The following PLCG2 variants were observed in gnomAD, a reference collection of about 807,000 sequenced individuals.
PLCG2 encodes phospholipase C gamma 2, also known as 1-phosphatidylinositol 4,5-bisphosphate phosphodiesterase gamma-2.
A neutral mutation model predicts 175.6 loss-of-function variants in PLCG2; 69 were observed. That is an observed-to-expected ratio of 0.39 (90% CI 0.32 to 0.48). The LOEUF (loss-of-function observed/expected upper bound fraction) is 0.48. Among genes scored for constraint, PLCG2 ranks in the 20% least tolerant of loss-of-function variants. The pLI is 0.91. For synonymous variants in PLCG2, 827 were observed against 624.0 expected (o/e 1.33, Z -4.85); for missense variants, 1,798 against 1,650.9 (o/e 1.09, Z -1.54).
chr16:81,761,729 T>C (rs1212594613), intron 2 of PLCG2, among the ~76,000 whole-genome samples: 1 of 152,222 alleles, frequency 6.6e-6, no homozygotes, highest in East Asian at 1.9e-4. Flanking sequence ...CTTCTCATTT[T>C]TCCAATCTTT....
chr16:81,762,646 C>T (rs1231486362), intron 2 of PLCG2, among the ~76,000 whole-genome samples: 1 of 151,836 alleles, frequency 6.6e-6, no homozygotes, highest in African/African-American at 2.4e-5. Context: ...GAAACAGAAT[C>T]ATTAGGTTGA....
intron 1 of PLCG2, among the ~76,000 whole-genome samples, chr16:81,747,577 A>G (rs181565842): frequency 7.9e-5 from 12 of 152,130 alleles, no homozygotes; most frequent in Admixed American, 2.6e-4. Context: ...TTTTTTAAAT[A>G]AATGATTGGA....
At position 81,855,385 on chromosome 16, in the gene PLCG2, C is replaced by T. The variant is rs192241685; in HGVS notation, c.337+798C>T. On this transcript the variant is annotated intron_variant, in intron 3 of 32. Coordinates refer to ENST00000564138, the MANE Select transcript of PLCG2 (RefSeq NM_002661.5). ...CAAGTTCAGTCCTAGAATTTATTGA[C>T]TTAGAAGTATATGTATATTAATTAA... 5.3e-3 allele frequency among the ~76,000 whole-genome samples: 810 copies of T among 152,114 alleles called. 23 individuals carry two copies. The highest frequency in any genetic ancestry group is 2.3e-3 in the East Asian group (12 of 5,188).
At position 81,899,289 on chromosome 16, in the gene PLCG2, T is replaced by C. The variant is rs113086658; in HGVS notation, c.1194-1323T>C. On this transcript the variant is annotated intron_variant, in intron 13 of 32. Coordinates refer to ENST00000564138, the MANE Select transcript of PLCG2 (RefSeq NM_002661.5). ...ATGTGTGTATATATATATATATATA[T>C]ACACACACACACACATAAATATATA... Among the ~76,000 whole-genome samples, 750 of 92,464 alleles carry C rather than the reference T, an allele frequency of 8.1e-3. 10 individuals carry two copies. Among genetic ancestry groups the C allele is most frequent in the African/African-American group, 0.025 (674 of 26,540 alleles). The allele number at this position is 92,464 out of a possible 152,430, so 60.7% of individuals were successfully genotyped here.
chr16:81,797,276 T>C (rs1042377077), intron 2 of PLCG2, among the ~76,000 whole-genome samples: 16 of 143,968 alleles, frequency 1.1e-4, no homozygotes, highest in Non-Finnish European at 2.3e-4. Context: ...TGGTGAATCA[T>C]TTTTGAAAAA....
chr16:81,811,634 CTTGTG>C (rs778421276), intron 2 of PLCG2, among the ~76,000 whole-genome samples: 27 of 151,966 alleles, frequency 1.8e-4, no homozygotes, highest in Non-Finnish European at 3.7e-4. Context: ...GTTTCCTGTT[CTTGTG>C]TTAGTTTGCT....
At chr16:81,951,355 C>G (rs1202427294) in intron 31 of PLCG2, among the ~76,000 whole-genome samples, 1 of 152,098 alleles carries the variant, frequency 6.6e-6, no homozygotes, top group African/African-American at 2.4e-5. Flanking sequence ...GACTGAACCC[C>G]AAATAATAAA....
At chr16:81,807,148 C>T (rs919987819) in intron 2 of PLCG2, among the ~76,000 whole-genome samples, 3 of 152,184 alleles carry the variant, frequency 2.0e-5, no homozygotes, top group Non-Finnish European at 4.4e-5. Context: ...ACAGCAGAGG[C>T]TTATCTTGTT....
chr16:81,783,138 G>C, intron 1 of PLCG2: 1 of 492,452 alleles, frequency 2.0e-6, no homozygotes, highest in South Asian at 1.5e-5. Flanking sequence ...CTAATTGAAG[G>C]TGTTATAATG....
chr16:81,846,611 G>A (rs749436732), intron 2 of PLCG2, among the ~76,000 whole-genome samples: 2 of 152,082 alleles, frequency 1.3e-5, no homozygotes, highest in Non-Finnish European at 2.9e-5. Context: ...GCAGAACATC[G>A]GGCTTATGGC....
intron 13 of PLCG2, among the ~76,000 whole-genome samples, chr16:81,897,660 C>T (rs948681564): frequency 1.3e-5 from 2 of 150,650 alleles, no homozygotes; most frequent in African/African-American, 4.9e-5. Context: ...ATTCCCCTGT[C>T]TCAGCCTCCC....
chr16:81,739,899 A>C (rs762439462), intron 1 of PLCG2, among the ~76,000 whole-genome samples: 3 of 152,168 alleles, frequency 2.0e-5, no homozygotes, highest in African/African-American at 7.2e-5. Context: ...GCGCTTTGGG[A>C]GGCCAAGGCA....
chr16:81,841,697 A>G (rs1372715400), intron 2 of PLCG2, among the ~76,000 whole-genome samples: 1 of 152,184 alleles, frequency 6.6e-6, no homozygotes, highest in Non-Finnish European at 1.5e-5. Context: ...CATGCCTGCT[A>G]GATCCTTCTA....
At chr16:81,873,523 T>A (rs1416815436) in intron 7 of PLCG2, among the ~76,000 whole-genome samples, 2 of 152,180 alleles carry the variant, frequency 1.3e-5, no homozygotes, top group African/African-American at 4.8e-5. Flanking sequence ...AAAAGCTCGA[T>A]TTACTCAAGA....
At chr16:81,843,326 C>G (rs1235728209) in intron 2 of PLCG2, among the ~76,000 whole-genome samples, 1 of 152,206 alleles carries the variant, frequency 6.6e-6, no homozygotes, top group African/African-American at 2.4e-5. Context: ...TACCCTTTCT[C>G]ACACCTTTAC....
chr16:81,815,424 G>A (rs998783832), intron 2 of PLCG2, among the ~76,000 whole-genome samples: 2 of 152,188 alleles, frequency 1.3e-5, no homozygotes, highest in East Asian at 3.9e-4. Flanking sequence ...CAGGGACCCT[G>A]TCTTTCCAGC....
intron 2 of PLCG2, among the ~76,000 whole-genome samples, chr16:81,786,696 TC>T (rs1910988198): frequency 6.6e-6 from 1 of 152,204 alleles, no homozygotes; most frequent in Admixed American, 6.6e-5. Flanking sequence ...GGTAGAGGTG[TC>T]CCTCCTCCCC....
At chr16:81,878,280 G>C (rs1188249425) in intron 7 of PLCG2, among the ~76,000 whole-genome samples, 2 of 151,832 alleles carry the variant, frequency 1.3e-5, no homozygotes, top group South Asian at 4.2e-4. Flanking sequence ...CACCGTGCCC[G>C]GCCCAAATCT....
chr16:81,792,767 C>G (rs1911297829), intron 2 of PLCG2, among the ~76,000 whole-genome samples: 1 of 152,064 alleles, frequency 6.6e-6, no homozygotes, highest in Non-Finnish European at 1.5e-5. Context: ...GTAACCGGCC[C>G]TATGATTCAA....
Sources: gnomAD v4.1 joint callset for allele counts (sites outside exome capture counted in the v4.1 genomes callset) on GRCh38, gnomAD v4.1.1 for gene constraint, MANE v1.5 for transcripts, NCBI Gene and HGNC (gene_info 2026-07-23, HGNC 2026-07-21) for gene names.